DCC: variants seen among roughly 807,000 people sequenced by gnomAD.
DCC encodes DCC netrin 1 receptor, also known as netrin receptor DCC.
Under a neutral mutation model 172.5 loss-of-function variants are expected in DCC, and 58 were observed. The ratio of observed to expected loss-of-function variants is 0.34; its 90% CI spans 0.27 to 0.42. The LOEUF (loss-of-function observed/expected upper bound fraction) is 0.42. Ranked by LOEUF, DCC falls within the 10% of genes least tolerant of loss-of-function variation. The probability of loss-of-function intolerance (pLI) is 1.00; values close to 1 mark genes in which losing one functional copy is unlikely to be tolerated. For missense variants in DCC, 1,740 were observed against 1,791.0 expected (o/e 0.97, Z 0.51); for synonymous variants, 709 against 644.5 (o/e 1.10, Z -1.52).
intron 12 of DCC, among the ~76,000 whole-genome samples, chr18:53,239,033 G>A (rs1346789727): frequency 6.2e-5 from 9 of 145,698 alleles, no homozygotes; most frequent in Admixed American, 1.4e-4. Context: ...ATCACACACC[G>A]GGGCCTGTTG....
chr18:52,722,821 C>T (rs2036493953), intron 1 of DCC, among the ~76,000 whole-genome samples: 1 of 152,150 alleles, frequency 6.6e-6, no homozygotes, highest in African/African-American at 2.4e-5. Flanking sequence ...GCTTTACCAA[C>T]TTCCTGACTC....
intron 9 of DCC, among the ~76,000 whole-genome samples, chr18:53,190,671 G>C (rs1290397969): frequency 1.3e-5 from 2 of 152,126 alleles, no homozygotes; most frequent in Non-Finnish European, 2.9e-5. Context: ...TCTCAGCAGG[G>C]CGTAGTGGTT....
intron 5 of DCC, among the ~76,000 whole-genome samples, chr18:53,010,345 T>C (rs747263033): frequency 3.4e-4 from 52 of 152,028 alleles, no homozygotes; most frequent in Non-Finnish European, 5.3e-4. Context: ...TTGTTTTTTT[T>C]CTTATCTCTG....
At chr18:53,206,363 GTATTGTAACACATATATGTATATATGTA>G (rs2055637806) in intron 10 of DCC, among the ~76,000 whole-genome samples, 1 of 45,978 alleles carries the variant, frequency 2.2e-5, no homozygotes, top group Non-Finnish European at 5.3e-5. Flanking sequence ...ATACATATAT[GTATTGTAACACATATATGTATATATGTA>G]TATATACATA....
intron 2 of DCC, chr18:52,892,495 G>A (rs1477615447): frequency 3.3e-5 from 5 of 152,062 alleles, no homozygotes; most frequent in Admixed American, 6.6e-5. Context: ...ATTCTCCAAC[G>A]TACTGACATT....
At chr18:52,498,911 C>A (rs971979505) in intron 1 of DCC, among the ~76,000 whole-genome samples, 2 of 152,114 alleles carry the variant, frequency 1.3e-5, no homozygotes, top group Non-Finnish European at 2.9e-5. Context: ...AGGACCTTAT[C>A]TCCTGTTACC....
chr18:52,403,506 C>T (rs776003896), intron 1 of DCC, among the ~76,000 whole-genome samples: 2 of 152,048 alleles, frequency 1.3e-5, no homozygotes, highest in Non-Finnish European at 2.9e-5. Context: ...ACTATCATCT[C>T]TCCTAAAGAG....
intron 2 of DCC, among the ~76,000 whole-genome samples, chr18:52,825,944 G>A (rs1365572914): frequency 6.6e-6 from 1 of 152,182 alleles, no homozygotes; most frequent in Non-Finnish European, 1.5e-5. Context: ...GGGAAAAACA[G>A]CAGATAATAT....
intron 14 of DCC, among the ~76,000 whole-genome samples, chr18:53,332,565 A>C (rs1464374752): frequency 6.6e-6 from 1 of 152,156 alleles, no homozygotes; most frequent in East Asian, 1.9e-4. Flanking sequence ...TAAAACCTAT[A>C]TGGTTTGAAA....
At chr18:52,860,366 G>C (rs906014017) in intron 2 of DCC, among the ~76,000 whole-genome samples, 3 of 152,166 alleles carry the variant, frequency 2.0e-5, no homozygotes, top group Admixed American at 6.5e-5. Flanking sequence ...GAAAAGCACA[G>C]TTTTTGGTTT....
At chr18:52,927,158 C>A (rs936037257) in intron 5 of DCC, among the ~76,000 whole-genome samples, 1 of 25,438 alleles carries the variant, frequency 3.9e-5, no homozygotes, top group South Asian at 7.6e-4. Flanking sequence ...TGTATATATA[C>A]GTATATATGT....
chr18:53,000,814 C>T lies in DCC; in HGVS notation c.986-62491C>T, dbSNP rs948092464. On this transcript the variant is annotated intron_variant, in intron 5 of 28. Coordinates refer to ENST00000442544, the MANE Select transcript of DCC (RefSeq NM_005215.4). ...TTTCAAGGTGGTAGTTAAGCACAAC[C>T]GGTATTAAAATTAAATTATATAAAC... 5.3e-5 allele frequency among the ~76,000 whole-genome samples: 8 copies of T among 151,516 alleles called. No individual in the cohort carries two copies. The South Asian group carries it at 1.0e-3, about 20-fold the overall frequency.
intron 1 of DCC, among the ~76,000 whole-genome samples, chr18:52,616,986 A>T (rs2034393407): frequency 6.6e-6 from 1 of 152,194 alleles, no homozygotes; most frequent in Non-Finnish European, 1.5e-5. Flanking sequence ...GGTTGAATTA[A>T]GGGCTGTAAA....
At chr18:52,437,965 T>C (rs537444072) in intron 1 of DCC, among the ~76,000 whole-genome samples, 2 of 152,328 alleles carry the variant, frequency 1.3e-5, no homozygotes, top group African/African-American at 4.8e-5. Context: ...AATTTTAAGC[T>C]TGACTATCCC....
intron 7 of DCC, among the ~76,000 whole-genome samples, chr18:53,125,995 C>T (rs888998995): frequency 2.0e-5 from 3 of 151,996 alleles, no homozygotes; most frequent in Admixed American, 1.3e-4. Context: ...GGAGAGGTTG[C>T]GTGAGGATAT....
intron 1 of DCC, among the ~76,000 whole-genome samples, chr18:52,538,378 A>T (rs2032344398): frequency 6.6e-6 from 1 of 152,194 alleles, no homozygotes; most frequent in Non-Finnish European, 1.5e-5. Flanking sequence ...TTCTCTGAAC[A>T]TCATAATATA....
intron 9 of DCC, among the ~76,000 whole-genome samples, chr18:53,186,190 T>C (rs1393622022): frequency 6.6e-6 from 1 of 152,172 alleles, no homozygotes; most frequent in Non-Finnish European, 1.5e-5. Context: ...AGAAATTGCA[T>C]AGAAAGAAAG....
chr18:53,385,166 AGC>A (rs1209999907), intron 15 of DCC, among the ~76,000 whole-genome samples: 1 of 151,896 alleles, frequency 6.6e-6, no homozygotes, highest in Non-Finnish European at 1.5e-5. Context: ...CAATACATAG[AGC>A]TCCCTGTCCT....
At chr18:53,327,248 G>A (rs1415728182) in intron 14 of DCC, among the ~76,000 whole-genome samples, 2 of 152,072 alleles carry the variant, frequency 1.3e-5, no homozygotes, top group Non-Finnish European at 2.9e-5. Flanking sequence ...AAAGCACGTT[G>A]CTATTACTGA....
Sources: allele counts gnomAD v4.1 joint callset (sites outside exome capture counted in the v4.1 genomes callset), GRCh38; gene constraint gnomAD v4.1.1; transcripts MANE v1.5; gene names NCBI Gene and HGNC (gene_info 2026-07-23, HGNC 2026-07-21).